SLC16A14: variants seen among roughly 807,000 people sequenced by gnomAD.
SLC16A14 encodes monocarboxylate transporter 14.
Under a neutral mutation model 35.8 loss-of-function variants are expected in SLC16A14, and 14 were observed. The ratio of observed to expected loss-of-function variants is 0.39; its 90% CI spans 0.26 to 0.61. The LOEUF is 0.61. SLC16A14 is among the 20% of genes least tolerant of loss of function. The probability of loss-of-function intolerance (pLI) is 0.51; values close to 1 mark genes in which losing one functional copy is unlikely to be tolerated. For missense variants in SLC16A14, 533 were observed against 655.0 expected, an observed-to-expected ratio of 0.81 and a Z score of 2.03; for synonymous variants, 248 against 258.9, an observed-to-expected ratio of 0.96 and a Z score of 0.40.
chr2:230,064,425 G>A (rs1198996115), intron 1 of SLC16A14, among the ~76,000 whole-genome samples: 4 of 152,110 alleles, frequency 2.6e-5, no homozygotes, highest in African/African-American at 4.8e-5. Context: ...AGCTTACAGC[G>A]CAGTGCAGAG....
intron 1 of SLC16A14, among the ~76,000 whole-genome samples, chr2:230,062,223 G>C (rs1457336897): frequency 6.6e-6 from 1 of 152,096 alleles, no homozygotes; most frequent in East Asian, 1.9e-4. Flanking sequence ...TCGAATTGTA[G>C]AGCTTTTCTC....
intron 4 of SLC16A14, 31 bp downstream of exon 4, chr2:230,045,714 C>G (rs1428780341): frequency 6.2e-7 from 1 of 1,613,800 alleles, no homozygotes; most frequent in East Asian, 2.2e-5. Context: ...TGTACATGCA[C>G]TCTGAGCTCT....
chr2:230,035,683 A>G lies in SLC16A14; in HGVS notation c.*1697T>C, dbSNP rs1025302468. The G allele has an allele frequency of 3.3e-5, 5 of 152,182 alleles. No individual in the cohort carries two copies. The highest frequency in any genetic ancestry group is 1.2e-4 in the African/African-American group (5 of 41,450). The allele number at this position is 152,182 out of a possible 1,614,324, so 9.4% of individuals were successfully genotyped here. A position where few individuals can be genotyped will look rare whatever the true frequency, so the allele number is the denominator to read the frequency against. ...TATGACATGCAATCTATTGTCTATA[A>G]TAATTTACAGGCAATTCCCGAGTCA... On this transcript the variant is annotated 3_prime_UTR_variant, in exon 5 of 5. Transcript: ENST00000295190.
intron 3 of SLC16A14, among the ~76,000 whole-genome samples, chr2:230,048,629 T>A (rs1156672711): frequency 6.6e-6 from 1 of 151,836 alleles, no homozygotes; most frequent in African/African-American, 2.4e-5. Flanking sequence ...GCTAAAAGAG[T>A]AAATTATTAT....
chr2:230,046,738 G>A lies in SLC16A14; in HGVS notation c.404-16C>T, dbSNP rs778133325. The A allele has an allele frequency of 6.4e-7, 1 of 1,571,844 alleles. No individual in the cohort carries two copies. Among genetic ancestry groups the A allele is most frequent in the Non-Finnish European group, 8.6e-7 (1 of 1,163,802 alleles). ...CTGCCCAGGCCTGTACAGGCCGACG[G>A]GGGGAAGAAAAGACACAGTGCAACA... On this transcript the variant is annotated splice_polypyrimidine_tract_variant and intron_variant, in intron 3 of 4. Transcript: ENST00000295190. This position sits in a 1 kb window ranked among gnomAD's most constrained non-coding sequence, Gnocchi z 5.0.
At chr2:230,048,803 A>G (rs1240709436) in intron 3 of SLC16A14, among the ~76,000 whole-genome samples, 1 of 151,218 alleles carries the variant, frequency 6.6e-6, no homozygotes, top group Non-Finnish European at 1.5e-5. Context: ...CATGCCTGTA[A>G]TCCCAGCTAC....
chr2:230,038,872 A>G lies in SLC16A14; in HGVS notation c.1382-1341T>C, dbSNP rs1401846519. Among the ~76,000 whole-genome samples the G allele has an allele frequency of 6.6e-6, 1 of 152,146 alleles. No individual in the cohort carries two copies. The highest frequency in any genetic ancestry group is 1.5e-5 in the Non-Finnish European group (1 of 68,026). ...CAGTGAGCTGAGATCGTGCCACCGC[A>G]CTCCAGCCTGGGCAACAGAGCAAGA... On this transcript the variant is annotated intron_variant, in intron 4 of 4. Coordinates refer to ENST00000295190, the MANE Select transcript of SLC16A14 (RefSeq NM_152527.5). The surrounding 1 kb of genome is among the most constrained non-coding windows in gnomAD (Gnocchi z 4.4).
intron 4 of SLC16A14, among the ~76,000 whole-genome samples, chr2:230,044,702 A>G (rs2077587212): frequency 1.9e-5 from 2 of 103,590 alleles, no homozygotes; most frequent in African/African-American, 7.7e-5. Flanking sequence ...ATAAGTCTGT[A>G]TTTGTGTGTG....
intron 1 of SLC16A14, among the ~76,000 whole-genome samples, chr2:230,059,806 C>T (rs2077736917): frequency 6.6e-6 from 1 of 152,196 alleles, no homozygotes; most frequent in South Asian, 2.1e-4. Context: ...TGTAGCTTCA[C>T]CTTGGTGGGG....
chr2:230,062,345 T>C (rs2077758026), intron 1 of SLC16A14, among the ~76,000 whole-genome samples: 1 of 142,192 alleles, frequency 7.0e-6, no homozygotes, highest in African/African-American at 2.6e-5. Context: ...TGTTTGTTTT[T>C]ACCTTTTTTT....
intron 2 of SLC16A14, among the ~76,000 whole-genome samples, chr2:230,053,798 C>T (rs5028779): frequency 0.86 from 131,591 of 152,150 alleles, 57,675 homozygotes; most frequent in East Asian, 0.99. Flanking sequence ...AAGTGTCCCA[C>T]TGCTGTGGGG....
intron 1 of SLC16A14, among the ~76,000 whole-genome samples, chr2:230,064,513 C>A (rs2077777249): frequency 6.6e-6 from 1 of 152,144 alleles, no homozygotes; most frequent in Admixed American, 6.5e-5. Flanking sequence ...CCCTCTGCCT[C>A]TGTTGTGTGC....
At position 230,057,586 on chromosome 2, in the gene SLC16A14, T is replaced by A. The variant is rs533291097; in HGVS notation, c.259+1508A>T. 9.2e-5 allele frequency among the ~76,000 whole-genome samples: 14 copies of A among 152,124 alleles called. No individual in the cohort carries two copies. In the South Asian group the frequency reaches 1.2e-3, roughly 14 times the overall value. ...GAGTTCGAGACCAGCCTGGGCAACA[T>A]GGAGAAACCCCATTTCAAAAGAAAA... On this transcript the variant is annotated intron_variant, in intron 2 of 4. Transcript: ENST00000295190.
rs1357892437 is a variant in SLC16A14, at chr2:230,046,673, C to G, written c.453G>C (p.Arg151Ser). ...AYLPAVVMVGRYFQKRRALAQ... is the reference protein window; with the variant it reads ...AYLPAVVMVGSYFQKRRALAQ... ...CGAGGGCGCGTCTCTTCTGGAAATA[C>G]CTGCCCACCATGACCACCGCTGGCA... The change falls in exon 4 of 5, where the codon AGG becomes AGC. Residue 151 changes from arginine (R) to serine (S), a missense_variant. Coordinates refer to ENST00000295190, the MANE Select transcript of SLC16A14 (RefSeq NM_152527.5). This position sits in a 1 kb window ranked among gnomAD's most constrained non-coding sequence, Gnocchi z 5.0. 1 of 1,602,742 alleles carries G rather than the reference C, an allele frequency of 6.2e-7. No individual in the cohort carries two copies. The highest frequency in any genetic ancestry group is 2.2e-5 in the East Asian group (1 of 44,882).
chr2:230,067,851 G>A (rs1185129833), intron 1 of SLC16A14, among the ~76,000 whole-genome samples: 1 of 152,176 alleles, frequency 6.6e-6, no homozygotes, highest in Non-Finnish European at 1.5e-5. Context: ...AGCGCTAAGG[G>A]GGCCCAGCCT....
At position 230,046,661 on chromosome 2, in the gene SLC16A14, C is replaced by T. The variant is rs762776255; in HGVS notation, c.465G>A (p.Lys155=). The T allele has an allele frequency of 1.9e-6, 3 of 1,604,944 alleles. No homozygotes were observed. The highest frequency in any genetic ancestry group is 1.7e-5 in the Admixed American group (1 of 60,018). Residue 155 remains lysine, a synonymous_variant, in exon 4 of 5, where the codon AAG becomes AAA. Transcript: ENST00000295190. This position sits in a 1 kb window ranked among gnomAD's most constrained non-coding sequence, Gnocchi z 5.0. ...TGAGGCCCTGGGCGAGGGCGCGTCT[C>T]TTCTGGAAATACCTGCCCACCATGA... ...AVVMVGRYFQ[K]RRALAQGLST...
At chr2:230,042,233 G>T (rs1211045803) in intron 4 of SLC16A14, among the ~76,000 whole-genome samples, 1 of 152,172 alleles carries the variant, frequency 6.6e-6, no homozygotes, top group Non-Finnish European at 1.5e-5. Context: ...CACCTCTGGG[G>T]AGGAACCTTG....
intron 2 of SLC16A14, among the ~76,000 whole-genome samples, chr2:230,055,926 T>C (rs1447202988): frequency 1.3e-5 from 2 of 152,190 alleles, no homozygotes; most frequent in Admixed American, 6.5e-5. Context: ...TACTAACTTA[T>C]TGAGAAAAGT....
chr2:230,050,818 C>T (rs1029752582), intron 2 of SLC16A14, among the ~76,000 whole-genome samples: 1 of 152,194 alleles, frequency 6.6e-6, no homozygotes, highest in Non-Finnish European at 1.5e-5. Flanking sequence ...ACCATGTAAA[C>T]TAAGCTCTCT....
Sources: gnomAD v4.1 joint callset for allele counts (sites outside exome capture counted in the v4.1 genomes callset) on GRCh38, gnomAD v4.1.1 for gene constraint, Gnocchi (gnomAD v3.1) non-coding constraint, MANE v1.5 for transcripts, NCBI Gene and HGNC (gene_info 2026-07-23, HGNC 2026-07-21) for gene names.